Variants in KALRN observed in about 807,000 individuals in gnomAD.
The protein encoded by KALRN is kalirin.
Under a neutral mutation model 353.7 loss-of-function variants are expected in KALRN, and 70 were observed. That is an observed-to-expected ratio of 0.20 (90% CI 0.16 to 0.24). The LOEUF (loss-of-function observed/expected upper bound fraction) is 0.24, where lower values mean the gene tolerates loss of function less well. KALRN is among the 10% of genes least tolerant of loss of function. The pLI, the probability that KALRN is intolerant of heterozygous loss-of-function variation, is 1.00. For missense variants in KALRN, 2,791 were observed against 3,756.7 expected (o/e 0.74, Z 6.72); for synonymous variants, 1,391 against 1,434.8 (o/e 0.97, Z 0.69).
chr3:124,504,737 G>C (rs868480135), intron 33 of KALRN: 3 of 412,104 alleles, frequency 7.3e-6, no homozygotes, highest in South Asian at 5.5e-5. Flanking sequence ...TGAGAGCTTG[G>C]CAGTGAGCAC....
intron 33 of KALRN, among the ~76,000 whole-genome samples, chr3:124,503,483 G>T (rs968623304): frequency 3.3e-5 from 5 of 150,474 alleles, no homozygotes; most frequent in Non-Finnish European, 7.4e-5. Flanking sequence ...AATAATTCAA[G>T]TCCAGAGCTA....
chr3:124,205,986 T>G (rs2076377898), intron 1 of KALRN, among the ~76,000 whole-genome samples: 3 of 152,226 alleles, frequency 2.0e-5, no homozygotes, highest in Admixed American at 2.0e-4. Flanking sequence ...TGTGTATTCT[T>G]TATAAAATAC....
rs536274997 is a variant in KALRN at position 124,059,110 on chromosome 3, C to T, written c.73+25297C>T. ...GAGGTCCTTTAACTTTCTCAGTTCA[C>T]GGTACCTTAACATCTCAGTAAGTTT... On this transcript the variant is annotated intron_variant, in intron 1 of 59. Transcript: ENST00000682506. 5.3e-5 allele frequency among the ~76,000 whole-genome samples: 8 copies of T among 152,188 alleles called. No homozygotes were observed. In the East Asian group the frequency reaches 5.8e-4, roughly 11 times the overall value.
At chr3:124,287,770 G>A (rs1043384014) in intron 5 of KALRN, among the ~76,000 whole-genome samples, 1 of 114,618 alleles carries the variant, frequency 8.7e-6, no homozygotes, top group African/African-American at 3.6e-5. Context: ...GGCCTAGGAA[G>A]ATATATATAT....
chr3:124,103,310 T>C (rs181550579), intron 1 of KALRN, among the ~76,000 whole-genome samples: 3 of 152,280 alleles, frequency 2.0e-5, no homozygotes, highest in Non-Finnish European at 4.4e-5. Flanking sequence ...ATTACTGTGA[T>C]GTGAGAACAG....
intron 33 of KALRN, among the ~76,000 whole-genome samples, chr3:124,524,223 T>C (rs1212766400): frequency 2.0e-5 from 3 of 152,152 alleles, no homozygotes; most frequent in Non-Finnish European, 4.4e-5. Flanking sequence ...AGAAAGCTAG[T>C]TGATGAGTTT....
chr3:124,215,152 C>A (rs2077211148), intron 1 of KALRN, among the ~76,000 whole-genome samples: 1 of 152,168 alleles, frequency 6.6e-6, no homozygotes, highest in African/African-American at 2.4e-5. Flanking sequence ...AGCCCCCTGG[C>A]CACAGGAGGA....
At chr3:124,409,814 G>A (rs1039976375) in intron 13 of KALRN, among the ~76,000 whole-genome samples, 1 of 152,024 alleles carries the variant, frequency 6.6e-6, no homozygotes, top group African/African-American at 2.4e-5. Context: ...AAAATACTTA[G>A]GAAAGAGAAT....
chr3:124,580,953 T>TAATAGTAATAAC (rs1384103970), intron 34 of KALRN, among the ~76,000 whole-genome samples: 1 of 150,790 alleles, frequency 6.6e-6, no homozygotes, highest in African/African-American at 2.4e-5. Flanking sequence ...ATTAAAATAA[T>TAATAGTAATAAC]AATAATAATA....
intron 10 of KALRN, among the ~76,000 whole-genome samples, chr3:124,353,082 GAGAA>G (rs1220472763): frequency 6.6e-6 from 1 of 152,138 alleles, no homozygotes; most frequent in Non-Finnish European, 1.5e-5. Flanking sequence ...CAAGTGGTAA[GAGAA>G]AGAATCAATG....
rs143810490 is a variant in KALRN, at chr3:124,699,456, C to T, written c.7832-413C>T. On this transcript the variant is annotated intron_variant, in intron 55 of 59. Coordinates refer to ENST00000682506, the MANE Select transcript of KALRN (RefSeq NM_001388419.1). ...TGAAAACACCTTCCACAGTATTTTA[C>T]GTGTACGTAGTGTTCAATACATGTT... Among the ~76,000 whole-genome samples, 1,018 of 152,328 alleles carry T rather than the reference C, an allele frequency of 6.7e-3. 9 individuals are homozygous for T. Among genetic ancestry groups the T allele is most frequent in the Middle Eastern group, 0.034 (10 of 294 alleles).
chr3:124,685,910 T>C (rs895920278), intron 51 of KALRN, among the ~76,000 whole-genome samples: 1 of 152,174 alleles, frequency 6.6e-6, no homozygotes, highest in African/African-American at 2.4e-5. Flanking sequence ...GAGCCTGCTA[T>C]TGAAGAAGCA....
At chr3:124,310,959 C>T (rs888848215) in intron 6 of KALRN, among the ~76,000 whole-genome samples, 14 of 149,436 alleles carry the variant, frequency 9.4e-5, no homozygotes, top group African/African-American at 2.7e-4. Flanking sequence ...TTTAAATAGA[C>T]ATTTCTTCAA....
chr3:124,277,531 A>C (rs1390905356), intron 5 of KALRN, among the ~76,000 whole-genome samples: 1 of 152,172 alleles, frequency 6.6e-6, no homozygotes, highest in Non-Finnish European at 1.5e-5. Context: ...TAGATTCCAA[A>C]AATAATCTAA....
In KALRN at chr3:124,304,041, C is replaced by A. The variant is rs1217827794; in HGVS notation, c.1092+5128C>A. On this transcript the variant is annotated intron_variant, in intron 6 of 59. Transcript: ENST00000682506. ...GCCCTCTGTCATCTTTGATTCTTGG[C>A]AGCCCTAAACCATGATTCTGTGGCA... Among the ~76,000 whole-genome samples the A allele has an allele frequency of 2.0e-5, 3 of 151,894 alleles. No individual in the cohort carries two copies. The East Asian group carries it at 5.8e-4, about 29-fold the overall frequency.
chr3:124,269,272 C>A lies in KALRN; in HGVS notation c.969+17C>A. On this transcript the variant is annotated intron_variant, in intron 5 of 59. Coordinates refer to ENST00000682506, the MANE Select transcript of KALRN (RefSeq NM_001388419.1). ...GCTGAGAAGGTAGGAAGGGAACAGGCCAAACCTGAGCCGGGATGGGGGTGA... is the reference window on the plus strand; with the variant it reads ...GCTGAGAAGGTAGGAAGGGAACAGGACAAACCTGAGCCGGGATGGGGGTGA... The A allele has an allele frequency of 6.4e-7, 1 of 1,571,570 alleles. No homozygotes were observed. Among genetic ancestry groups the A allele is most frequent in the Non-Finnish European group, 8.7e-7 (1 of 1,154,802 alleles).
chr3:124,658,582 A>G, intron 42 of KALRN, 65 bp downstream of exon 42: 1 of 1,194,682 alleles, frequency 8.4e-7, no homozygotes, highest in Non-Finnish European at 1.3e-6. Flanking sequence ...AGCCACTTTC[A>G]GAAATACCAG....
intron 5 of KALRN, among the ~76,000 whole-genome samples, chr3:124,276,390 T>C (rs1431613131): frequency 6.6e-6 from 1 of 152,072 alleles, no homozygotes; most frequent in Non-Finnish European, 1.5e-5. Flanking sequence ...GTCCTCTCCC[T>C]CCAAGGTATA....
chr3:124,346,716 G>A (rs2082297360), intron 9 of KALRN, among the ~76,000 whole-genome samples: 1 of 152,182 alleles, frequency 6.6e-6, no homozygotes. Context: ...CACCATTGCT[G>A]TTTGTGTTCT....
Sources: allele counts gnomAD v4.1 joint callset (sites outside exome capture counted in the v4.1 genomes callset), GRCh38; gene constraint gnomAD v4.1.1; transcripts MANE v1.5; gene names NCBI Gene and HGNC (gene_info 2026-07-23, HGNC 2026-07-21).